TKTL1: variants seen among roughly 807,000 people sequenced by gnomAD.
TKTL1 encodes transketolase like 1, also known as transketolase-like protein 1.
A neutral mutation model predicts 39.3 loss-of-function variants in TKTL1; 1 was observed. That is an observed-to-expected ratio of 0.03 (90% CI 0.01 to 0.12). The LOEUF is 0.12. TKTL1 is among the 10% of genes least tolerant of loss of function. TKTL1 has a pLI of 1.00. For synonymous variants in TKTL1, 262 were observed against 193.8 expected (o/e 1.35, Z -2.92); for missense variants, 575 against 509.6 (o/e 1.13, Z -1.24).
Position 154,315,238 on chromosome X carries a change from T to C in TKTL1, c.930T>C (p.Val310=), listed in dbSNP as rs374501819. The C allele has an allele frequency of 9.9e-6, 12 of 1,211,315 alleles. No homozygotes were observed. Among genetic ancestry groups the C allele is most frequent in the East Asian group, 5.9e-5 (2 of 33,821 alleles). ...TGGGCTACGCGAACAACAGAGTCGTTGTGCTGGATGGTGACACCAGGTACT... is the reference window on the plus strand; with the variant it reads ...TGGGCTACGCGAACAACAGAGTCGTCGTGCTGGATGGTGACACCAGGTACT... ...AKLGYANNRV[V]VLDGDTRYST... The change falls in exon 7 of 13, where the codon GTT becomes GTC. Residue 310 remains valine (V), a synonymous_variant. Transcript: ENST00000369915.
Position 154,310,826 on chromosome X carries a change from C to T in TKTL1, c.351-10C>T. On this transcript the variant is annotated splice_polypyrimidine_tract_variant and intron_variant, in intron 3 of 12. Transcript: ENST00000369915. ...CCACAGGGTCCTAAACCTCTCTTGT[C>T]TTGCTCCAGCTACCGGGTGTTCTGC... The T allele has an allele frequency of 8.3e-7, 1 of 1,206,367 alleles. No homozygotes were observed. The highest frequency in any genetic ancestry group is 1.8e-5 in the South Asian group (1 of 56,172).
rs1358958263 is a variant in TKTL1 at position 154,330,242 on chromosome X, G to A, written c.*554G>A. Reference sequence around the variant, plus strand: ...TGCCTTCATCTCCCTCCACGTTTGAGAGGCTGTCAGGCAGCAGCGAAAGCT... The same window carrying A: ...TGCCTTCATCTCCCTCCACGTTTGAAAGGCTGTCAGGCAGCAGCGAAAGCT... On this transcript the variant is annotated 3_prime_UTR_variant, in exon 13 of 13. Coordinates refer to ENST00000369915, the MANE Select transcript of TKTL1 (RefSeq NM_012253.4). The A allele has an allele frequency of 8.7e-6, 1 of 114,764 alleles. No homozygotes were observed. The highest frequency in any genetic ancestry group is 1.8e-5 in the Non-Finnish European group (1 of 54,959). 9.5% of individuals were successfully genotyped at this position (114,764 alleles called of 1,213,427 possible).
intron 2 of TKTL1, among the ~76,000 whole-genome samples, chrX:154,306,790 C>G (rs1420545721): frequency 2.8e-5 from 3 of 108,923 alleles, no homozygotes; most frequent in African/African-American, 1.0e-4. Context: ...GCATGTGCCA[C>G]TACGACCGGC....
intron 10 of TKTL1, among the ~76,000 whole-genome samples, chrX:154,326,036 G>C (rs1217003050): frequency 8.9e-6 from 1 of 112,109 alleles, no homozygotes; most frequent in Non-Finnish European, 1.9e-5. Context: ...TGAATAATCT[G>C]TTAGGTTCAG....
chrX:154,304,946 G>T, intron 1 of TKTL1: 1 of 898,780 alleles, frequency 1.1e-6, no homozygotes, highest in Non-Finnish European at 1.5e-6. Context: ...GGTAGAATGG[G>T]ATCTTCATGG....
intron 1 of TKTL1, among the ~76,000 whole-genome samples, chrX:154,298,002 C>T (rs2067244062): frequency 9.0e-6 from 1 of 111,257 alleles, no homozygotes; most frequent in Admixed American, 9.6e-5. Flanking sequence ...ATTTATTGGG[C>T]GTTTTTTTTA....
chrX:154,296,131 C>T (rs935564203), intron 1 of TKTL1, 138 bp downstream of exon 1: 11 of 858,818 alleles, frequency 1.3e-5, no homozygotes, highest in Non-Finnish European at 1.8e-5. Flanking sequence ...CTGTCTTGGG[C>T]TGTTGGGGCC....
intron 7 of TKTL1, among the ~76,000 whole-genome samples, chrX:154,315,724 A>G (rs782434852): frequency 9.0e-6 from 1 of 111,166 alleles, no homozygotes; most frequent in Non-Finnish European, 1.9e-5. Context: ...CAGGGAATGC[A>G]GAGTTTCCTT....
At chrX:154,301,772 T>C (rs1326881236) in intron 1 of TKTL1, among the ~76,000 whole-genome samples, 1 of 107,400 alleles carries the variant, frequency 9.3e-6, no homozygotes, top group African/African-American at 3.4e-5. Context: ...TTTTTTTTTT[T>C]AGTAGAGACG....
At chrX:154,325,532 C>G in intron 10 of TKTL1, 110 bp downstream of exon 10, 1 of 703,540 alleles carries the variant, frequency 1.4e-6, no homozygotes, top group Non-Finnish European at 2.1e-6. Context: ...TTTCTTTGCT[C>G]TCATTTTTTT....
intron 7 of TKTL1, among the ~76,000 whole-genome samples, chrX:154,319,221 A>G (rs1320113414): frequency 8.9e-6 from 1 of 112,655 alleles, no homozygotes; most frequent in Non-Finnish European, 1.9e-5. Flanking sequence ...AAGTCAAAAA[A>G]TCACATAGTG....
At chrX:154,301,423 A>G (rs1042723436) in intron 1 of TKTL1, among the ~76,000 whole-genome samples, 5 of 111,149 alleles carry the variant, frequency 4.5e-5, no homozygotes, top group Non-Finnish European at 9.4e-5. Flanking sequence ...AGGCCGAGGC[A>G]GGAAAATCAC....
At chrX:154,329,473 C>T (rs375669307) in intron 12 of TKTL1, 43 bp from the exon 13 acceptor site, 6 of 1,187,885 alleles carry the variant, frequency 5.1e-6, no homozygotes, top group Non-Finnish European at 4.6e-6. Flanking sequence ...TTAAGGCTGA[C>T]GAGCTGCTTT....
rs189443621 is a variant in TKTL1, at chrX:154,311,057, A to G, written c.542+30A>G. ...CTGTATTCTCTTGTGCTTGATTTCC[A>G]TTCTGTCCTGCCCCCTTCATCTCTT... On this transcript the variant is annotated intron_variant, in intron 4 of 12. Coordinates refer to ENST00000369915, the MANE Select transcript of TKTL1 (RefSeq NM_012253.4). 6.9e-5 allele frequency: 83 copies of G among 1,209,288 alleles called. No individual in the cohort carries two copies. The African/African-American group carries it at 1.1e-3, about 16-fold the overall frequency.
At position 154,325,400 on chromosome X, in the gene TKTL1, G is replaced by A. The variant is rs782667299; in HGVS notation, c.1379G>A (p.Arg460His). 1.2e-5 allele frequency: 15 copies of A among 1,209,965 alleles called. No individual in the cohort carries two copies. Among genetic ancestry groups the A allele is most frequent in the South Asian group, 5.3e-5 (3 of 56,851 alleles). ...ATGGTTATTTACACCCCACAAGAACGCTTTGAGATCGGACAGGCCAAGGTA... is the reference window on the plus strand; with the variant it reads ...ATGGTTATTTACACCCCACAAGAACACTTTGAGATCGGACAGGCCAAGGTA... ...ETMVIYTPQE[R>H]FEIGQAKVLR... Residue 460 changes from arginine to histidine, a missense_variant, in exon 10 of 13, where the codon CGC becomes CAC. Physicochemically the swap from Arg to His is conservative, Grantham distance 29 (BLOSUM62 0). Coordinates refer to ENST00000369915, the MANE Select transcript of TKTL1 (RefSeq NM_012253.4).
At chrX:154,323,695 C>CA (rs1337471408) in intron 9 of TKTL1, among the ~76,000 whole-genome samples, 2 of 112,194 alleles carry the variant, frequency 1.8e-5, no homozygotes, top group East Asian at 5.6e-4. Flanking sequence ...TGTTAGTCTC[C>CA]AGTGGCTGCA....
chrX:154,302,385 A>G (rs1270411266), intron 1 of TKTL1, among the ~76,000 whole-genome samples: 1 of 111,555 alleles, frequency 9.0e-6, no homozygotes, highest in African/African-American at 3.3e-5. Flanking sequence ...AACAGCAGAT[A>G]TTCGTCTCTC....
At chrX:154,300,485 C>T (rs1470208022) in intron 1 of TKTL1, among the ~76,000 whole-genome samples, 1 of 111,959 alleles carries the variant, frequency 8.9e-6, no homozygotes, top group African/African-American at 3.3e-5. Flanking sequence ...TCTTTCACCT[C>T]CTTGGTTAAG....
At chrX:154,321,365 C>G (rs376479150) in intron 8 of TKTL1, among the ~76,000 whole-genome samples, 3 of 108,856 alleles carry the variant, frequency 2.8e-5, no homozygotes, top group Non-Finnish European at 5.7e-5. Context: ...AACCCTGGAG[C>G]GTGACACGAG....
Sources: allele counts gnomAD v4.1 joint callset (sites outside exome capture counted in the v4.1 genomes callset), GRCh38; gene constraint gnomAD v4.1.1; transcripts MANE v1.5; gene names NCBI Gene and HGNC (gene_info 2026-07-23, HGNC 2026-07-21).